Variants in SNTG1 observed in about 807,000 individuals in gnomAD.
The protein encoded by SNTG1 is gamma-1-syntrophin.
A neutral mutation model predicts 74.7 loss-of-function variants in SNTG1; 39 were observed. The ratio of observed to expected loss-of-function variants is 0.52; its 90% CI spans 0.40 to 0.68. The LOEUF (loss-of-function observed/expected upper bound fraction) is 0.68. Ranked by LOEUF, SNTG1 falls within the 30% of genes least tolerant of loss-of-function variation. SNTG1 has a pLI of 0.00. For missense variants in SNTG1, 685 were observed against 609.5 expected, an observed-to-expected ratio of 1.12 and a Z score of -1.30; for synonymous variants, 254 against 217.1, an observed-to-expected ratio of 1.17 and a Z score of -1.49.
intron 1 of SNTG1, among the ~76,000 whole-genome samples, chr8:50,045,168 G>A (rs763330324): frequency 2.0e-5 from 3 of 152,174 alleles, no homozygotes; most frequent in Non-Finnish European, 4.4e-5. Context: ...AACTCGCTTG[G>A]TGTATTAGGC....
At chr8:50,268,740 T>A (rs2087614508) in intron 2 of SNTG1, among the ~76,000 whole-genome samples, 1 of 151,912 alleles carries the variant, frequency 6.6e-6, no homozygotes, top group Non-Finnish European at 1.5e-5. Flanking sequence ...CACTACGACC[T>A]CCGCCTCCTG....
At chr8:50,227,696 T>C (rs184709007) in intron 2 of SNTG1, among the ~76,000 whole-genome samples, 26 of 152,052 alleles carry the variant, frequency 1.7e-4, no homozygotes, top group African/African-American at 5.1e-4. Context: ...GACACAGATT[T>C]TCCCTGAAGA....
chr8:50,738,880 AC>A (rs2095535750), intron 17 of SNTG1, among the ~76,000 whole-genome samples: 1 of 151,964 alleles, frequency 6.6e-6, no homozygotes, highest in East Asian at 1.9e-4. Flanking sequence ...CTGAAACTGG[AC>A]CCCCTTTTTA....
intron 1 of SNTG1, among the ~76,000 whole-genome samples, chr8:50,024,548 G>A (rs1273306269): frequency 1.3e-5 from 2 of 152,042 alleles, no homozygotes; most frequent in African/African-American, 2.4e-5. Context: ...AGGGAAACAC[G>A]TTCCAGGACT....
At chr8:50,208,703 T>C (rs1050910256) in intron 2 of SNTG1, among the ~76,000 whole-genome samples, 1 of 152,180 alleles carries the variant, frequency 6.6e-6, no homozygotes, top group African/African-American at 2.4e-5. Flanking sequence ...CTGGTACCAG[T>C]CTTTCCTTTC....
intron 8 of SNTG1, among the ~76,000 whole-genome samples, chr8:50,502,328 GA>G (rs1456070365): frequency 6.6e-6 from 1 of 152,026 alleles, no homozygotes; most frequent in Non-Finnish European, 1.5e-5. Flanking sequence ...TATGCTTTTC[GA>G]ATCATTTTCT....
chr8:50,671,929 T>C (rs1586032692), intron 15 of SNTG1, among the ~76,000 whole-genome samples: 2 of 150,114 alleles, frequency 1.3e-5, no homozygotes, highest in African/African-American at 4.9e-5. Context: ...TCATTCTCAG[T>C]AAACTATCGC....
In SNTG1 at chr8:50,325,045, T is replaced by C. The variant is rs1175930150; in HGVS notation, c.-27-69167T>C. Among the ~76,000 whole-genome samples the C allele has an allele frequency of 3.4e-5, 3 of 87,594 alleles. No homozygotes were observed. In the East Asian group the frequency reaches 1.4e-3, roughly 42 times the overall value. The allele number at this position is 87,594 out of a possible 152,430, so 57.5% of individuals were successfully genotyped here. On this transcript the variant is annotated intron_variant, in intron 2 of 18. Coordinates refer to ENST00000642720, the MANE Select transcript of SNTG1 (RefSeq NM_018967.5). The stretch of plus-strand genomic sequence containing the variant: ...ACACAGATAGATCAATAGAACAGAA[T>C]AAATAACCCAGAAATAGACCCACCA...
At chr8:50,102,244 T>C (rs1454012463) in intron 1 of SNTG1, among the ~76,000 whole-genome samples, 2 of 148,824 alleles carry the variant, frequency 1.3e-5, no homozygotes, top group African/African-American at 2.5e-5. Context: ...TTTTAATGAT[T>C]GCCATTCTAA....
intron 2 of SNTG1, among the ~76,000 whole-genome samples, chr8:50,289,689 G>A (rs80284219): frequency 0.069 from 10,506 of 152,088 alleles, 403 homozygotes; most frequent in African/African-American, 0.085. Context: ...CCTACAATAA[G>A]GACTGATATC....
intron 13 of SNTG1, among the ~76,000 whole-genome samples, chr8:50,594,439 A>G (rs746078183): frequency 1.3e-5 from 2 of 152,146 alleles, no homozygotes; most frequent in Admixed American, 1.3e-4. Flanking sequence ...GGCAGTATAC[A>G]AAATAATATA....
At chr8:50,723,926 A>G (rs10095638) in intron 17 of SNTG1, among the ~76,000 whole-genome samples, 143,350 of 152,244 alleles carry the variant, frequency 0.94, 67,540 homozygotes, top group East Asian at 1. Flanking sequence ...AATGAGTAGG[A>G]GTAAAAAGGT....
intron 1 of SNTG1, among the ~76,000 whole-genome samples, chr8:50,039,437 A>C (rs946330735): frequency 2.8e-5 from 4 of 140,740 alleles, no homozygotes; most frequent in Non-Finnish European, 6.1e-5. Flanking sequence ...CCTGGGTGAC[A>C]GAGCAAGACT....
chr8:50,501,791 C>G (rs1256311056), intron 8 of SNTG1, among the ~76,000 whole-genome samples: 1 of 151,818 alleles, frequency 6.6e-6, no homozygotes, highest in African/African-American at 2.4e-5. Flanking sequence ...AGAAGTCATT[C>G]TAAATTGGTT....
chr8:50,711,292 T>G (rs1259671259), intron 17 of SNTG1, among the ~76,000 whole-genome samples: 3 of 152,198 alleles, frequency 2.0e-5, no homozygotes, highest in African/African-American at 7.2e-5. Context: ...AAAAATATCT[T>G]TAAGACTATA....
chr8:50,320,962 G>C (rs145895501), intron 2 of SNTG1, among the ~76,000 whole-genome samples: 338 of 152,190 alleles, frequency 2.2e-3, no homozygotes, highest in African/African-American at 7.0e-3. Flanking sequence ...TGATCCACAT[G>C]CTGAGGAAAA....
At chr8:50,104,114 T>A (rs1428106613) in intron 1 of SNTG1, among the ~76,000 whole-genome samples, 2 of 152,204 alleles carry the variant, frequency 1.3e-5, no homozygotes, top group Non-Finnish European at 2.9e-5. Context: ...TTCTATTGAT[T>A]GGAATAGTTT....
Position 50,496,451 on chromosome 8 carries a change from G to A in SNTG1, c.364-6327G>A, listed in dbSNP as rs1402332310. Reference sequence around the variant, plus strand: ...TCAATTAAAAGCAAGCTCAGCTATGGGTATCCTTGGCTTTATATTGCAGAG... The same window carrying A: ...TCAATTAAAAGCAAGCTCAGCTATGAGTATCCTTGGCTTTATATTGCAGAG... On this transcript the variant is annotated intron_variant, in intron 8 of 18. Coordinates refer to ENST00000642720, the MANE Select transcript of SNTG1 (RefSeq NM_018967.5). 3.3e-5 allele frequency among the ~76,000 whole-genome samples: 5 copies of A among 152,058 alleles called. No homozygotes were observed. In the East Asian group the frequency reaches 9.6e-4, roughly 29 times the overall value.
chr8:50,735,164 G>T (rs539261839), intron 17 of SNTG1, among the ~76,000 whole-genome samples: 1 of 151,226 alleles, frequency 6.6e-6, no homozygotes, highest in African/African-American at 2.4e-5. Context: ...CGACATATTG[G>T]ATTTAAAAAA....
Sources: allele counts gnomAD v4.1 joint callset (sites outside exome capture counted in the v4.1 genomes callset), GRCh38; gene constraint gnomAD v4.1.1; transcripts MANE v1.5; gene names NCBI Gene and HGNC (gene_info 2026-07-23, HGNC 2026-07-21).